The following RBFOX1 variants were observed in gnomAD, a reference collection of about 807,000 sequenced individuals.
RBFOX1 encodes RNA binding protein fox-1 homolog 1.
Under a neutral mutation model 57.7 loss-of-function variants are expected in RBFOX1, and 8 were observed. The ratio of observed to expected loss-of-function variants is 0.14; its 90% CI spans 0.08 to 0.25. The LOEUF is 0.25. Among genes scored for constraint, RBFOX1 ranks in the 10% least tolerant of loss-of-function variants. RBFOX1 has a pLI of 1.00. For missense variants in RBFOX1, 611 were observed against 548.5 expected (o/e 1.11, Z -1.14); for synonymous variants, 326 against 222.4 (o/e 1.47, Z -4.15).
chr16:6,757,705 A>T (rs11077084), intron 3 of RBFOX1, among the ~76,000 whole-genome samples: 55,529 of 151,994 alleles, frequency 0.37, 10,204 homozygotes, highest in Middle Eastern at 0.39. Context: ...ATGGTTAGAT[A>T]GGAGTGAGTT....
intron 3 of RBFOX1, among the ~76,000 whole-genome samples, chr16:6,992,410 G>T (rs998375752): frequency 2.0e-5 from 3 of 152,142 alleles, no homozygotes; most frequent in African/African-American, 7.2e-5. Context: ...TAGAGACGGG[G>T]TTTCACCATG....
intron 4 of RBFOX1, among the ~76,000 whole-genome samples, chr16:7,211,765 G>T (rs1397181608): frequency 6.6e-6 from 1 of 152,116 alleles, no homozygotes; most frequent in East Asian, 1.9e-4. Flanking sequence ...GGACTCGGGG[G>T]GATTCAAGCC....
chr16:6,733,395 C>G (rs913929824), intron 3 of RBFOX1, among the ~76,000 whole-genome samples: 1 of 152,158 alleles, frequency 6.6e-6, no homozygotes, highest in Admixed American at 6.5e-5. Flanking sequence ...CAGAGCAAAG[C>G]CTGTGCCTGT....
At chr16:7,156,449 A>G (rs567256381) in intron 4 of RBFOX1, among the ~76,000 whole-genome samples, 3 of 152,164 alleles carry the variant, frequency 2.0e-5, no homozygotes, top group Non-Finnish European at 2.9e-5. Flanking sequence ...ATATGCATAT[A>G]TGTGTACATA....
At chr16:6,614,491 C>T (rs987112820) in intron 2 of RBFOX1, among the ~76,000 whole-genome samples, 7 of 152,138 alleles carry the variant, frequency 4.6e-5, no homozygotes, top group Non-Finnish European at 7.3e-5. Flanking sequence ...CCAATCACTG[C>T]GGAATGTTTT....
chr16:6,968,914 C>T (rs1268209559), intron 3 of RBFOX1, among the ~76,000 whole-genome samples: 4 of 151,718 alleles, frequency 2.6e-5, no homozygotes, highest in Non-Finnish European at 4.4e-5. Flanking sequence ...ATAATAAGCT[C>T]ATTAGAGGAA....
intron 1 of RBFOX1, among the ~76,000 whole-genome samples, chr16:6,301,104 A>G (rs2078770136): frequency 1.3e-5 from 2 of 152,316 alleles, no homozygotes; most frequent in Middle Eastern, 3.4e-3. Flanking sequence ...AGGATCAGAA[A>G]CAGAACCTGG....
intron 1 of RBFOX1, among the ~76,000 whole-genome samples, chr16:5,277,688 T>C (rs7196748): frequency 0.32 from 48,659 of 151,974 alleles, 8,272 homozygotes; most frequent in South Asian, 0.45. Flanking sequence ...ACTGACCTGA[T>C]ACATGGCCCC....
chr16:7,456,565 C>T (rs770265851), intron 4 of RBFOX1, among the ~76,000 whole-genome samples: 1 of 152,178 alleles, frequency 6.6e-6, no homozygotes, highest in Non-Finnish European at 1.5e-5. Flanking sequence ...AATTTGGTCT[C>T]AGCAGTCATT....
At chr16:6,242,926 G>A (rs181971850) in intron 1 of RBFOX1, among the ~76,000 whole-genome samples, 141 of 152,218 alleles carry the variant, frequency 9.3e-4, no homozygotes, top group African/African-American at 3.3e-3. Context: ...TTCAAAAGAT[G>A]TGTATGTTTG....
chr16:5,734,686 C>T (rs2052508350), intron 3 of RBFOX1, among the ~76,000 whole-genome samples: 1 of 152,168 alleles, frequency 6.6e-6, no homozygotes, highest in Non-Finnish European at 1.5e-5. Flanking sequence ...ACCCACATTG[C>T]TATTGGGCAG....
intron 1 of RBFOX1, among the ~76,000 whole-genome samples, chr16:5,410,443 A>G (rs1463892509): frequency 6.6e-6 from 1 of 152,248 alleles, no homozygotes; most frequent in Non-Finnish European, 1.5e-5. Context: ...CCAACAAAGA[A>G]AAGTGAAACA....
intron 10 of RBFOX1, among the ~76,000 whole-genome samples, chr16:7,609,255 G>T (rs1045126968): frequency 2.0e-5 from 3 of 152,212 alleles, no homozygotes; most frequent in African/African-American, 7.2e-5. Context: ...GGGTATGGAT[G>T]TGAGTGTTGT....
At chr16:5,336,636 G>A (rs993977273) in intron 1 of RBFOX1, among the ~76,000 whole-genome samples, 5 of 152,192 alleles carry the variant, frequency 3.3e-5, no homozygotes, top group Non-Finnish European at 7.3e-5. Flanking sequence ...GGTGTGCTTG[G>A]CTGCCCTTGG....
chr16:7,325,106 A>G (rs2096594354), intron 4 of RBFOX1, among the ~76,000 whole-genome samples: 1 of 152,174 alleles, frequency 6.6e-6, no homozygotes, highest in African/African-American at 2.4e-5. Flanking sequence ...GAGTTTTGAT[A>G]TCCCTGGCTT....
chr16:6,335,244 A>G (rs1325446800), intron 2 of RBFOX1, among the ~76,000 whole-genome samples: 1 of 152,214 alleles, frequency 6.6e-6, no homozygotes, highest in African/African-American at 2.4e-5. Context: ...AATGGGAGGC[A>G]AAAGTGAGTA....
At chr16:6,127,209 G>A (rs1597561861) in intron 1 of RBFOX1, among the ~76,000 whole-genome samples, 1 of 151,904 alleles carries the variant, frequency 6.6e-6, no homozygotes, top group Non-Finnish European at 1.5e-5. Context: ...TGCCCTAGAT[G>A]GAGTCAAAGG....
intron 3 of RBFOX1, among the ~76,000 whole-genome samples, chr16:5,688,298 C>T (rs929467): frequency 2.0e-5 from 3 of 151,972 alleles, no homozygotes; most frequent in Non-Finnish European, 4.4e-5. Context: ...CAGAAATGAT[C>T]CTTAAGAAAA....
At chr16:6,756,376 T>C (rs2075790353) in intron 3 of RBFOX1, among the ~76,000 whole-genome samples, 1 of 152,040 alleles carries the variant, frequency 6.6e-6, no homozygotes, top group South Asian at 2.1e-4. Flanking sequence ...GAAGTAAACA[T>C]AGGTAAAATG....
Sources: allele counts gnomAD v4.1 joint callset (sites outside exome capture counted in the v4.1 genomes callset), GRCh38; gene constraint gnomAD v4.1.1; transcripts MANE v1.5; gene names NCBI Gene and HGNC (gene_info 2026-07-23, HGNC 2026-07-21).